Variants in C3orf52 observed in about 807,000 individuals in gnomAD.
C3orf52 encodes the protein chromosome 3 open reading frame 52, also known as TPA-induced transmembrane protein.
Under a neutral mutation model 24.8 loss-of-function variants are expected in C3orf52, and 22 were observed. The ratio of observed to expected loss-of-function variants is 0.89; its 90% CI spans 0.63 to 1.27. The LOEUF is 1.27. C3orf52 is among the 50% of genes most tolerant of loss of function. C3orf52 has a pLI of 0.00. For missense variants in C3orf52, 265 were observed against 260.7 expected (o/e 1.02, Z -0.11); for synonymous variants, 93 against 100.2 (o/e 0.93, Z 0.43).
intron 4 of C3orf52, chr3:112,123,501 G>T (rs2074239188): frequency 1.9e-6 from 3 of 1,614,160 alleles, no homozygotes; most frequent in Middle Eastern, 1.6e-4. Flanking sequence ...AAGTGGACGT[G>T]GCTGTTGCAG....
In C3orf52 at chr3:112,109,579, C is replaced by G. The variant is rs373918440; in HGVS notation, c.433C>G (p.Arg145Gly). Residue 145 changes from arginine to glycine, a missense_variant, in exon 4 of 6, where the codon CGT (arginine) becomes GGT (glycine). Coordinates refer to ENST00000264848, the MANE Select transcript of C3orf52 (RefSeq NM_024616.3). ...DVYSTSPSLG[R>G]YFTSVEIVDF... ...GTACAGTACATCGCCCTCTCTGGGT[C>G]GTTATTTTACTTCAGTTGAAATAGT... 1 of 1,602,356 alleles carries G rather than the reference C, an allele frequency of 6.2e-7. No individual in the cohort carries two copies. Among genetic ancestry groups the G allele is most frequent in the African/African-American group, 1.3e-5 (1 of 74,640 alleles).
intron 4 of C3orf52, among the ~76,000 whole-genome samples, chr3:112,110,286 G>A (rs558183191): frequency 1.3e-5 from 2 of 151,820 alleles, no homozygotes; most frequent in Non-Finnish European, 1.5e-5. Context: ...CCGAGATTGC[G>A]CCACTGCACT....
chr3:112,125,138 G>T, intron 4 of C3orf52: 1 of 853,974 alleles, frequency 1.2e-6, no homozygotes. Flanking sequence ...GGGTCAGAAG[G>T]GATCTCAGAG....
chr3:112,098,589 A>G (rs958227586), intron 2 of C3orf52, among the ~76,000 whole-genome samples: 1 of 152,172 alleles, frequency 6.6e-6, no homozygotes, highest in African/African-American at 2.4e-5. Flanking sequence ...TGAAACTACC[A>G]TTTGTTTGTA....
At chr3:112,133,433 G>T, downstream of C3orf52, 1 of 322,376 alleles carries the variant, frequency 3.1e-6, no homozygotes, top group Non-Finnish European at 5.7e-6. Context: ...ATTACAGATG[G>T]GCCATGGGAG....
chr3:112,108,135 A>G (rs976428164), intron 3 of C3orf52, among the ~76,000 whole-genome samples: 1 of 152,218 alleles, frequency 6.6e-6, no homozygotes, highest in African/African-American at 2.4e-5. Flanking sequence ...TATCCAGAAT[A>G]TAAAACTAAC....
intron 2 of C3orf52, among the ~76,000 whole-genome samples, chr3:112,099,291 G>C (rs977566216): frequency 2.0e-5 from 3 of 152,158 alleles, no homozygotes; most frequent in Non-Finnish European, 4.4e-5. Context: ...GCTCACATTG[G>C]TGGTTAGATT....
chr3:112,125,593 G>A (rs1411610758), intron 4 of C3orf52, among the ~76,000 whole-genome samples: 1 of 152,188 alleles, frequency 6.6e-6, no homozygotes. Context: ...CACAAATTCA[G>A]TGCCTCTGCA....
Position 112,086,418 on chromosome 3 carries a change from C to T in C3orf52, c.11C>T (p.Ala4Val). The T allele has an allele frequency of 6.5e-7, 1 of 1,549,896 alleles. No homozygotes were observed. Among genetic ancestry groups the T allele is most frequent in the Non-Finnish European group, 8.7e-7 (1 of 1,145,990 alleles). ...TTTCCCTGCCGGCACATGGACCTGG[C>T]CCAACCCTCACAGCCAGTAGACGAG... MDL[A>V]QPSQPVDELE... The change falls in exon 1 of 6, where the codon GCC becomes GTC. Residue 4 changes from alanine (A) to valine (V), a missense_variant. By Grantham distance (64) the Ala-to-Val change is moderately conservative. Coordinates refer to ENST00000264848, the MANE Select transcript of C3orf52 (RefSeq NM_024616.3).
intron 3 of C3orf52, among the ~76,000 whole-genome samples, chr3:112,104,868 T>G (rs1180885714): frequency 6.6e-6 from 1 of 152,188 alleles, no homozygotes; most frequent in Non-Finnish European, 1.5e-5. Context: ...TCCTTCCACC[T>G]GCTTCCTGGG....
downstream of C3orf52, chr3:112,118,313 G>T (rs142023930): frequency 0.012 from 1,801 of 152,288 alleles, 26 homozygotes; most frequent in Non-Finnish European, 0.019. Context: ...CCTTAGGGCA[G>T]CTTCCTCTTC....
downstream of C3orf52, chr3:112,130,512 G>A (rs368331750): frequency 5.5e-5 from 88 of 1,613,366 alleles, no homozygotes; most frequent in Middle Eastern, 3.3e-4. Flanking sequence ...TTCTGCTGCC[G>A]CCTGAAACTC....
At position 112,118,018 on chromosome 3, in the gene C3orf52, A is replaced by G. The variant is rs764413387; in HGVS notation, c.*1372A>G. The stretch of plus-strand genomic sequence containing the variant: ...GCTTTCCTATTTAACTAGAAGATAC[A>G]TGTACTATAGATCATTGTCTCATTT... On this transcript the variant is annotated 3_prime_UTR_variant, in exon 6 of 6. Transcript: ENST00000264848. 1.3e-5 allele frequency: 2 copies of G among 152,224 alleles called. No homozygotes were observed. The highest frequency in any genetic ancestry group is 2.9e-5 in the Non-Finnish European group (2 of 68,034). 9.4% of individuals were successfully genotyped at this position (152,224 alleles called of 1,614,324 possible). A position where few individuals can be genotyped will look rare whatever the true frequency, so the allele number is the denominator to read the frequency against.
exon 5 of C3orf52, chr3:112,128,628 A>C (rs2074383751): frequency 1.1e-5 from 2 of 187,136 alleles, no homozygotes; most frequent in African/African-American, 2.4e-5. Context: ...TTTTCAAAAA[A>C]TATTTGATGA....
Position 112,086,389 on chromosome 3 carries a change from A to G in C3orf52, c.-19A>G, listed in dbSNP as rs1172669772. On this transcript the variant is annotated 5_prime_UTR_variant, in exon 1 of 6. Transcript: ENST00000264848. ...GCTGTGGCCTCCCGCGGAGCCGCTC[A>G]GACTTTCCCTGCCGGCACATGGACC... 1 of 1,528,658 alleles carries G rather than the reference A, an allele frequency of 6.5e-7. No individual in the cohort carries two copies. Among genetic ancestry groups the G allele is most frequent in the Admixed American group, 2.0e-5 (1 of 49,740 alleles). 94.7% of individuals were successfully genotyped at this position (1,528,658 alleles called of 1,614,324 possible).
chr3:112,113,980 A>T (rs151135810), intron 5 of C3orf52, among the ~76,000 whole-genome samples: 1 of 152,310 alleles, frequency 6.6e-6, no homozygotes, highest in African/African-American at 2.4e-5. Flanking sequence ...TTATGTTCTC[A>T]TCCACAGTCC....
chr3:112,110,408 C>A (rs1013300878), intron 4 of C3orf52, among the ~76,000 whole-genome samples: 36 of 152,144 alleles, frequency 2.4e-4, no homozygotes, highest in Non-Finnish European at 1.6e-4. Context: ...TGCCTCCTTT[C>A]TTCTCCACTG....
chr3:112,101,819 A>G (rs1402469966), intron 2 of C3orf52, among the ~76,000 whole-genome samples: 2 of 152,180 alleles, frequency 1.3e-5, no homozygotes, highest in East Asian at 1.9e-4. Flanking sequence ...CGCCTTTCTC[A>G]GGGCCAGAGA....
intron 3 of C3orf52, among the ~76,000 whole-genome samples, chr3:112,105,193 A>G (rs566722377): frequency 1.6e-4 from 25 of 152,350 alleles, no homozygotes; most frequent in Middle Eastern, 6.8e-3. Context: ...TTCTTCGCTG[A>G]TAAATGGAAA....
Sources: allele counts gnomAD v4.1 joint callset (sites outside exome capture counted in the v4.1 genomes callset), GRCh38; gene constraint gnomAD v4.1.1; transcripts MANE v1.5; gene names NCBI Gene and HGNC (gene_info 2026-07-23, HGNC 2026-07-21).